The following SEMA6A variants were observed in gnomAD, a reference collection of about 807,000 sequenced individuals.
SEMA6A encodes semaphorin-6A.
A neutral mutation model predicts 96.8 loss-of-function variants in SEMA6A; 25 were observed. The observed-to-expected ratio is 0.26, with a 90% CI of 0.19 to 0.36. SEMA6A has a LOEUF of 0.36. Ranked by LOEUF, SEMA6A falls within the 10% of genes least tolerant of loss-of-function variation. The pLI is 1.00. For synonymous variants in SEMA6A, 612 were observed against 518.0 expected (o/e 1.18, Z -2.46); for missense variants, 1,363 against 1,323.1 (o/e 1.03, Z -0.47).
rs1227511542 is a variant in SEMA6A at position 116,570,725 on chromosome 5, C to A, written c.-39+3460G>T. On this transcript the variant is annotated intron_variant, in intron 1 of 18. Coordinates refer to ENST00000343348, the MANE Select transcript of SEMA6A (RefSeq NM_020796.5). The stretch of plus-strand genomic sequence containing the variant: ...TTGTCCTGTTCTGAAAAGCGCTGAA[C>A]CACAATGTACACAGAATAAACTATC... Among the ~76,000 whole-genome samples the A allele has an allele frequency of 2.0e-5, 3 of 152,194 alleles. No individual in the cohort carries two copies. The East Asian group carries it at 5.8e-4, about 29-fold the overall frequency.
At chr5:116,483,026 G>A (rs146761745) in intron 10 of SEMA6A, among the ~76,000 whole-genome samples, 171 of 152,150 alleles carry the variant, frequency 1.1e-3, no homozygotes, top group African/African-American at 3.8e-3. Context: ...TTGGTTTTTC[G>A]AGCCAAGAAC....
intron 17 of SEMA6A, 158 bp from the exon 18 acceptor site, chr5:116,467,905 T>G: frequency 1.9e-5 from 11 of 591,352 alleles, no homozygotes; most frequent in African/African-American, 3.8e-5. Flanking sequence ...GTGGTGGTGG[T>G]GGTGGTGGTG....
intron 3 of SEMA6A, among the ~76,000 whole-genome samples, chr5:116,497,934 C>T (rs1757682725): frequency 1.3e-5 from 2 of 152,160 alleles, no homozygotes; most frequent in African/African-American, 4.8e-5. Context: ...ACTCTTTTCC[C>T]TCATAATGAT....
intron 2 of SEMA6A, among the ~76,000 whole-genome samples, 187 bp downstream of exon 2, chr5:116,504,658 A>T (rs544419410): frequency 2.6e-5 from 4 of 152,190 alleles, no homozygotes; most frequent in Non-Finnish European, 5.9e-5. Flanking sequence ...CCCCACAACA[A>T]CATCTGATGG....
At chr5:116,487,662 C>A (rs543243240) in intron 9 of SEMA6A, among the ~76,000 whole-genome samples, 1 of 152,088 alleles carries the variant, frequency 6.6e-6, no homozygotes, top group African/African-American at 2.4e-5. Flanking sequence ...GTCAGGAGTT[C>A]GAGACCACCC....
At chr5:116,545,986 G>A (rs994339320) in intron 1 of SEMA6A, among the ~76,000 whole-genome samples, 3 of 152,212 alleles carry the variant, frequency 2.0e-5, no homozygotes, top group Non-Finnish European at 4.4e-5. Context: ...GCTATTTCAG[G>A]AGGCTAAGGT....
chr5:116,545,989 G>T (rs1760170338), intron 1 of SEMA6A, among the ~76,000 whole-genome samples: 1 of 152,182 alleles, frequency 6.6e-6, no homozygotes, highest in African/African-American at 2.4e-5. Flanking sequence ...ATTTCAGGAG[G>T]CTAAGGTGGT....
At chr5:116,513,075 T>G (rs1758494533) in intron 1 of SEMA6A, among the ~76,000 whole-genome samples, 1 of 152,154 alleles carries the variant, frequency 6.6e-6, no homozygotes, top group African/African-American at 2.4e-5. Context: ...AGACATGCAA[T>G]GCATAATAAT....
intron 9 of SEMA6A, among the ~76,000 whole-genome samples, chr5:116,487,712 A>T (rs1757130146): frequency 6.6e-6 from 1 of 152,096 alleles, no homozygotes; most frequent in South Asian, 2.1e-4. Flanking sequence ...AAAAATAAAA[A>T]AATTAGCTGG....
chr5:116,495,661 T>A (rs1237841277), intron 5 of SEMA6A, 147 bp from the exon 6 acceptor site: 1 of 594,536 alleles, frequency 1.7e-6, no homozygotes, highest in East Asian at 2.8e-5. Context: ...TTCCTGATGT[T>A]AACCACAAGA....
At chr5:116,568,376 GTCT>G (rs1429393521) in intron 1 of SEMA6A, among the ~76,000 whole-genome samples, 1 of 152,134 alleles carries the variant, frequency 6.6e-6, no homozygotes, top group Non-Finnish European at 1.5e-5. Flanking sequence ...TGGAACTCAG[GTCT>G]TCTTGTCTCC....
Position 116,488,915 on chromosome 5 carries a change from C to T in SEMA6A, c.628G>A (p.Val210Ile), listed in dbSNP as rs377316252. 332 of 1,584,860 alleles carry T rather than the reference C, an allele frequency of 2.1e-4. No individual in the cohort carries two copies. The highest frequency in any genetic ancestry group is 2.8e-4 in the Non-Finnish European group (324 of 1,164,392). ...TTCAACCATTTTGAATCGTGCTTGA[C>T]GGTCCGCAGGGTAGGGCTTTCTCCA... Reference protein sequence around the residue: ...SLGESPTLRTVKHDSKWLKEP... With the variant: ...SLGESPTLRTIKHDSKWLKEP... Residue 210 changes from valine to isoleucine, a missense_variant, in exon 8 of 19, where the codon GTC becomes ATC. Val to Ile is a conservative substitution (Grantham distance 29, BLOSUM62 3). Transcript: ENST00000343348.
At chr5:116,450,980 A>ATT (rs766634040) in intron 18 of SEMA6A, among the ~76,000 whole-genome samples, 1 of 152,234 alleles carries the variant, frequency 6.6e-6, no homozygotes, top group East Asian at 1.9e-4. Context: ...TTTGTGGAAT[A>ATT]GCCATTGTGA....
At chr5:116,475,702 T>C in intron 15 of SEMA6A, 99 bp from the exon 16 acceptor site, 2 of 776,538 alleles carry the variant, frequency 2.6e-6, no homozygotes, top group Non-Finnish European at 4.1e-6. Flanking sequence ...CACAGTTTGA[T>C]AAATTGAGTG....
intron 1 of SEMA6A, among the ~76,000 whole-genome samples, chr5:116,530,237 A>C (rs1442400732): frequency 1.3e-5 from 2 of 152,200 alleles, no homozygotes; most frequent in African/African-American, 4.8e-5. Flanking sequence ...CAACATAAAA[A>C]GGCACTATTG....
intron 7 of SEMA6A, 134 bp from the exon 8 acceptor site, chr5:116,489,141 C>T (rs1003327479): frequency 1.8e-5 from 19 of 1,029,180 alleles, no homozygotes; most frequent in South Asian, 1.3e-4. Flanking sequence ...ATCCAAGAGT[C>T]GCTGGGAAAA....
chr5:116,452,560 C>A (rs1387812332), intron 18 of SEMA6A, among the ~76,000 whole-genome samples: 1 of 151,990 alleles, frequency 6.6e-6, no homozygotes, highest in Non-Finnish European at 1.5e-5. Flanking sequence ...ACATGTGATT[C>A]AAAATAAGAA....
intron 17 of SEMA6A, among the ~76,000 whole-genome samples, chr5:116,469,940 C>G (rs1756010379): frequency 6.6e-6 from 1 of 152,092 alleles, no homozygotes; most frequent in African/African-American, 2.4e-5. Flanking sequence ...TAGTCTAATA[C>G]CCACCACATC....
rs1754258992 is a variant in SEMA6A at position 116,446,994 on chromosome 5, C to A, written c.2712G>T (p.Leu904=). ...CGTAGGAAGAGGAGTGGTGCATTTC[C>A]AGCCGCTTGCTTAGACCGGTCTGAG... ...SLSQTGLSKR[L]EMHHSSSYGV... The change falls in exon 19 of 19, where the codon CTG becomes CTT. Residue 904 remains leucine, a synonymous_variant. Coordinates refer to ENST00000343348, the MANE Select transcript of SEMA6A (RefSeq NM_020796.5). 1.2e-6 allele frequency: 2 copies of A among 1,613,786 alleles called. No individual in the cohort carries two copies. Among genetic ancestry groups the A allele is most frequent in the African/African-American group, 1.3e-5 (1 of 74,890 alleles).
Sources: allele counts gnomAD v4.1 joint callset (sites outside exome capture counted in the v4.1 genomes callset), GRCh38; gene constraint gnomAD v4.1.1; transcripts MANE v1.5; gene names NCBI Gene and HGNC (gene_info 2026-07-23, HGNC 2026-07-21).